Variants in GRIN2D observed in about 807,000 individuals in gnomAD.
GRIN2D encodes glutamate ionotropic receptor NMDA type subunit 2D.
Under a neutral mutation model 103.2 loss-of-function variants are expected in GRIN2D, and 37 were observed. That is an observed-to-expected ratio of 0.36 (90% CI 0.28 to 0.47). GRIN2D has a LOEUF of 0.47. Ranked by LOEUF, GRIN2D falls within the 20% of genes least tolerant of loss-of-function variation. The pLI, the probability that GRIN2D is intolerant of heterozygous loss-of-function variation, is 1.00. For missense variants in GRIN2D, 1,557 were observed against 1,910.6 expected (o/e 0.81, Z 3.45); for synonymous variants, 845 against 885.6 (o/e 0.95, Z 0.81).
Position 48,413,984 on chromosome 19 carries a change from T to G in GRIN2D, c.1086-7T>G. 1 of 1,547,002 alleles carries G rather than the reference T, an allele frequency of 6.5e-7. No homozygotes were observed. Among genetic ancestry groups the G allele is most frequent in the Non-Finnish European group, 8.9e-7 (1 of 1,118,810 alleles). On this transcript the variant is annotated splice_polypyrimidine_tract_variant and splice_region_variant and intron_variant, in intron 4 of 13. Transcript: ENST00000263269. ...CCAGCATGTCCCCTTTCCCTCCTCC[T>G]GGGCAGGTACTTCATGAACATCACG... is the stretch of plus-strand genomic sequence containing the variant.
At chr19:48,415,447 G>T (rs1970934629) in intron 7 of GRIN2D, among the ~76,000 whole-genome samples, 1 of 149,696 alleles carries the variant, frequency 6.7e-6, no homozygotes, top group African/African-American at 2.5e-5. Flanking sequence ...CCTGATTGGG[G>T]CCTGGGGCGG....
rs927420296 is a variant in GRIN2D, at chr19:48,443,108, G to C, written c.3182G>C (p.Trp1061Ser). The C allele has an allele frequency of 1.9e-5, 19 of 1,019,428 alleles. No individual in the cohort carries two copies. Among genetic ancestry groups the C allele is most frequent in the Non-Finnish European group, 2.1e-5 (18 of 850,370 alleles). 63.1% of individuals were successfully genotyped at this position (1,019,428 alleles called of 1,614,324 possible). The change falls in exon 14 of 14, where the codon TGG (tryptophan) becomes TCG (serine). Residue 1061 changes from tryptophan (W) to serine (S), a missense_variant. This residue lies in a region of GRIN2D where 632 missense variants were observed against 572.8 expected (regional missense o/e 1.10). Coordinates refer to ENST00000263269, the MANE Select transcript of GRIN2D (RefSeq NM_000836.4). The surrounding 1 kb of genome is among the most constrained non-coding windows in gnomAD (Gnocchi z 8.9). ...GAGAGCCCGCCGGCGCCCGCGCGGT[G>C]GCCGCGCTCGGACCCCGAGAGCCAA... ...EDESPPAPAR[W>S]PRSDPESQPL...
chr19:48,402,789 A>G (rs1054103843), intron 3 of GRIN2D, among the ~76,000 whole-genome samples: 1 of 148,602 alleles, frequency 6.7e-6, no homozygotes. Flanking sequence ...AGAGAGAGAG[A>G]GAGAGAGAGA....
In GRIN2D at chr19:48,405,419, T is replaced by C; in HGVS notation, c.1085+66T>C. Reference sequence around the variant, plus strand: ...AGAGCCTAACTACCTCAGTATTCACTGAATGAGTGGCTCAAATGGGCCACA... The same window carrying C: ...AGAGCCTAACTACCTCAGTATTCACCGAATGAGTGGCTCAAATGGGCCACA... On this transcript the variant is annotated intron_variant, in intron 4 of 13. Coordinates refer to ENST00000263269, the MANE Select transcript of GRIN2D (RefSeq NM_000836.4). The surrounding 1 kb of genome is among the most constrained non-coding windows in gnomAD (Gnocchi z 5.1). 1 of 1,421,372 alleles carries C rather than the reference T, an allele frequency of 7.0e-7. No individual in the cohort carries two copies. The highest frequency in any genetic ancestry group is 9.3e-7 in the Non-Finnish European group (1 of 1,076,696). The allele number at this position is 1,421,372 out of a possible 1,614,324, so 88.0% of individuals were successfully genotyped here. A position where few individuals can be genotyped will look rare whatever the true frequency, so the allele number is the denominator to read the frequency against.
intron 11 of GRIN2D, among the ~76,000 whole-genome samples, chr19:48,434,144 G>T (rs541189061): frequency 4.1e-4 from 62 of 151,958 alleles, no homozygotes; most frequent in African/African-American, 1.4e-3. Context: ...TAGAGACGGG[G>T]TTTCACCGTG....
chr19:48,426,224 C>CTTTTTTTTTTTTTTTTTTTTTTCTT (rs369360320), intron 11 of GRIN2D, among the ~76,000 whole-genome samples: 3 of 120,112 alleles, frequency 2.5e-5, no homozygotes, highest in Non-Finnish European at 5.0e-5. Flanking sequence ...TTCTTTCTTT[C>CTTTTTTTTTTTTTTTTTTTTTTCTT]TTTTTTTTTT....
At chr19:48,434,306 T>C (rs898928952) in intron 11 of GRIN2D, among the ~76,000 whole-genome samples, 34 of 152,070 alleles carry the variant, frequency 2.2e-4, no homozygotes, top group Admixed American at 2.2e-3. Flanking sequence ...CAGGCTGGAG[T>C]GCAGTGGTGT....
intron 11 of GRIN2D, among the ~76,000 whole-genome samples, chr19:48,422,609 C>CAA (rs551643081): frequency 1.6e-5 from 2 of 122,390 alleles, no homozygotes; most frequent in Admixed American, 8.8e-5. Context: ...GACTCCGTCT[C>CAA]AAAAAAAAAA....
intron 9 of GRIN2D, 73 bp from the exon 10 acceptor site, chr19:48,419,512 T>C: frequency 7.2e-7 from 1 of 1,383,046 alleles, no homozygotes; most frequent in East Asian, 2.5e-5. Context: ...ATTGTAGTTC[T>C]TTCTTTTTTT....
intron 11 of GRIN2D, among the ~76,000 whole-genome samples, chr19:48,427,724 G>A (rs10418761): frequency 0.14 from 21,346 of 151,592 alleles, 2,841 homozygotes; most frequent in African/African-American, 0.35. Context: ...CTTGTGATCC[G>A]CCCGTCTCGG....
intron 8 of GRIN2D, 74 bp from the exon 9 acceptor site, chr19:48,419,160 T>A (rs1217707142): frequency 6.9e-7 from 1 of 1,454,104 alleles, no homozygotes; most frequent in East Asian, 2.4e-5. Context: ...AGTACAGGCG[T>A]GAGGCACCGC....
chr19:48,414,905 A>G lies in GRIN2D; in HGVS notation c.1454A>G (p.Lys485Arg), dbSNP rs1970925130. The change falls in exon 7 of 14, where the codon AAG (lysine) becomes AGG (arginine). Residue 485 changes from lysine to arginine, a missense_variant. Lys to Arg is a conservative substitution (Grantham distance 26). Coordinates refer to ENST00000263269, the MANE Select transcript of GRIN2D (RefSeq NM_000836.4). The surrounding 1 kb of genome is among the most constrained non-coding windows in gnomAD (Gnocchi z 4.6). ...CCCCGCCCGGAAAAGCGCTGCTGCA[A>G]GGGTTTCTGCATCGACATTCTGAAG... ...DAPRPEKRCC[K>R]GFCIDILKRL... 2 of 1,614,132 alleles carry G rather than the reference A, an allele frequency of 1.2e-6. No individual in the cohort carries two copies. The highest frequency in any genetic ancestry group is 1.7e-6 in the Non-Finnish European group (2 of 1,180,020).
chr19:48,443,146 C>A lies in GRIN2D; in HGVS notation c.3220C>A (p.Pro1074Thr). The change falls in exon 14 of 14, where the codon CCA becomes ACA. Residue 1074 changes from proline (P) to threonine (T), a missense_variant. Pro to Thr is a conservative substitution (Grantham distance 38, BLOSUM62 -1). This residue lies in a region of GRIN2D where 632 missense variants were observed against 572.8 expected (regional missense o/e 1.10). Coordinates refer to ENST00000263269, the MANE Select transcript of GRIN2D (RefSeq NM_000836.4). The surrounding 1 kb of genome is among the most constrained non-coding windows in gnomAD (Gnocchi z 8.9). ...SDPESQPLLG[P>T]GAGGAGGTGG... ...CCCCGAGAGCCAACCCCTGCTGGGG[C>A]CAGGCGCGGGCGGCGCGGGGGGCAC... 2.0e-6 allele frequency: 2 copies of A among 994,508 alleles called. No individual in the cohort carries two copies. Among genetic ancestry groups the A allele is most frequent in the East Asian group, 1.1e-4 (1 of 9,478 alleles). The allele number at this position is 994,508 out of a possible 1,614,324, so 61.6% of individuals were successfully genotyped here.
intron 4 of GRIN2D, among the ~76,000 whole-genome samples, chr19:48,412,479 AAGAG>A (rs1374176248): frequency 3.7e-5 from 5 of 136,916 alleles, no homozygotes; most frequent in Admixed American, 7.4e-5. Context: ...GAAAGAAAGA[AAGAG>A]AGAGAAAGAA....
At chr19:48,435,795 A>G (rs1971222252) in intron 11 of GRIN2D, among the ~76,000 whole-genome samples, 1 of 152,256 alleles carries the variant, frequency 6.6e-6, no homozygotes, top group Non-Finnish European at 1.5e-5. Context: ...GCACTGTTCT[A>G]GACCCTGTGG....
chr19:48,440,389 T>TA (rs1971277361), intron 11 of GRIN2D, among the ~76,000 whole-genome samples: 1 of 152,040 alleles, frequency 6.6e-6, no homozygotes, highest in African/African-American at 2.4e-5. Context: ...GCCCAGGAGT[T>TA]AGAGCCCAGC....
chr19:48,436,355 A>T (rs1053477167), intron 11 of GRIN2D, among the ~76,000 whole-genome samples: 2 of 152,034 alleles, frequency 1.3e-5, no homozygotes, highest in Non-Finnish European at 2.9e-5. Flanking sequence ...TGGCTGAGCC[A>T]GATTACCAGT....
At chr19:48,433,922 C>CT (rs1971192547) in intron 11 of GRIN2D, among the ~76,000 whole-genome samples, 1 of 151,276 alleles carries the variant, frequency 6.6e-6, no homozygotes, top group East Asian at 1.9e-4. Flanking sequence ...TTGGACCAGT[C>CT]TGAGTTTACT....
intron 11 of GRIN2D, among the ~76,000 whole-genome samples, chr19:48,439,468 G>C (rs1424979042): frequency 2.0e-5 from 3 of 152,088 alleles, no homozygotes; most frequent in Non-Finnish European, 4.4e-5. Context: ...TGGGACCCTG[G>C]GGGTCTTGCA....
Sources: gnomAD v4.1 joint callset for allele counts (sites outside exome capture counted in the v4.1 genomes callset) on GRCh38, gnomAD v4.1.1 for gene constraint, gnomAD v4.1.1 regional missense constraint, Gnocchi (gnomAD v3.1) non-coding constraint, MANE v1.5 for transcripts, NCBI Gene and HGNC (gene_info 2026-07-23, HGNC 2026-07-21) for gene names.